EHD4: variants seen among roughly 807,000 people sequenced by gnomAD.
The protein encoded by EHD4 is EH domain containing 4, also known as EH domain-containing protein 4.
Under a neutral mutation model 51.0 loss-of-function variants are expected in EHD4, and 37 were observed. The ratio of observed to expected loss-of-function variants is 0.73; its 90% CI spans 0.56 to 0.95. The LOEUF (loss-of-function observed/expected upper bound fraction) is 0.95, where lower values mean the gene tolerates loss of function less well. Among genes scored for constraint, EHD4 ranks in the 40% least tolerant of loss-of-function variants. The pLI, the probability that EHD4 is intolerant of heterozygous loss-of-function variation, is 0.00. For missense variants in EHD4, 632 were observed against 733.1 expected (o/e 0.86, Z 1.59); for synonymous variants, 297 against 317.3 (o/e 0.94, Z 0.68).
intron 4 of EHD4, among the ~76,000 whole-genome samples, chr15:41,918,217 TACACACACACAC>T (rs10682608): frequency 2.7e-4 from 40 of 147,288 alleles, no homozygotes; most frequent in Non-Finnish European, 2.8e-4. Context: ...CAGGGAGCTT[TACACACACACAC>T]ACACACACAC....
In EHD4 at chr15:41,917,155, C is replaced by G. The variant is rs934562765; in HGVS notation, c.924+2055G>C. Among the ~76,000 whole-genome samples, 13 of 151,582 alleles carry G rather than the reference C, an allele frequency of 8.6e-5. 1 individual carries two copies. The highest frequency in any genetic ancestry group is 4.6e-4 in the Admixed American group (7 of 15,174). Reference sequence around the variant, plus strand: ...TATTTATTTGAGACAGAGTCTCACTCTGTCGCCTAGGCTGGAGTGCAGTGG... The same window carrying G: ...TATTTATTTGAGACAGAGTCTCACTGTGTCGCCTAGGCTGGAGTGCAGTGG... On this transcript the variant is annotated intron_variant, in intron 4 of 5. Transcript: ENST00000220325.
chr15:41,930,881 G>A (rs1204954321), intron 3 of EHD4, among the ~76,000 whole-genome samples: 2 of 152,190 alleles, frequency 1.3e-5, no homozygotes, highest in South Asian at 2.1e-4. Flanking sequence ...GTTACCAACA[G>A]TATTTCAAAA....
intron 4 of EHD4, among the ~76,000 whole-genome samples, chr15:41,915,795 G>A (rs1010889709): frequency 2.6e-5 from 4 of 152,020 alleles, no homozygotes; most frequent in Admixed American, 1.3e-4. Flanking sequence ...AGTGTGAGCC[G>A]TCTTCCAAGA....
chr15:41,940,169 C>A (rs141106091), intron 3 of EHD4, among the ~76,000 whole-genome samples: 10 of 152,228 alleles, frequency 6.6e-5, no homozygotes, highest in African/African-American at 2.4e-4. Flanking sequence ...AAAGGAGGAG[C>A]AGTGGAGGGC....
chr15:41,928,410 G>A (rs1163868028), intron 3 of EHD4: 3 of 152,146 alleles, frequency 2.0e-5, no homozygotes, highest in African/African-American at 7.2e-5. Flanking sequence ...CTGTTTCTCA[G>A]GGGAGCCCGG....
At chr15:41,962,872 A>G (rs1208620389) in intron 1 of EHD4, among the ~76,000 whole-genome samples, 1 of 152,246 alleles carries the variant, frequency 6.6e-6, no homozygotes, top group Non-Finnish European at 1.5e-5. Context: ...TGTGGGGAAA[A>G]GAAAGAGAGA....
intron 1 of EHD4, among the ~76,000 whole-genome samples, chr15:41,957,167 A>G (rs1595545117): frequency 6.6e-6 from 1 of 152,066 alleles, no homozygotes; most frequent in Admixed American, 6.5e-5. Flanking sequence ...CCGTCTCTAC[A>G]AAACATACAA....
At position 41,900,976 on chromosome 15, in the gene EHD4, C is replaced by A; in HGVS notation, c.1295G>T (p.Gly432Val). The A allele has an allele frequency of 6.2e-7, 1 of 1,611,408 alleles. No individual in the cohort carries two copies. Among genetic ancestry groups the A allele is most frequent in the Non-Finnish European group, 8.5e-7 (1 of 1,177,852 alleles). Residue 432 changes from glycine (G) to valine (V), a missense_variant, in exon 6 of 6, where the codon GGT becomes GTT. Physicochemically the swap from Gly to Val is moderately radical, Grantham distance 109. Coordinates refer to ENST00000220325, the MANE Select transcript of EHD4 (RefSeq NM_139265.4). The surrounding 1 kb of genome is among the most constrained non-coding windows in gnomAD (Gnocchi z 4.8). ...EGPFNQGYGE[G>V]AKEGADEEEW... ...CTCCTCGTCGGCGCCCTCCTTGGCA[C>A]CCTCCCCGTAGCCCTGGTTGAAGGG...
intron 1 of EHD4, among the ~76,000 whole-genome samples, chr15:41,966,588 G>C (rs553756753): frequency 6.6e-6 from 1 of 152,242 alleles, no homozygotes; most frequent in East Asian, 1.9e-4. Flanking sequence ...GGGCTGCTGA[G>C]CCAGCAGAAT....
intron 1 of EHD4, among the ~76,000 whole-genome samples, chr15:41,964,461 G>A (rs1368018460): frequency 6.6e-6 from 1 of 151,362 alleles, no homozygotes; most frequent in African/African-American, 2.4e-5. Context: ...AAATTGGCTG[G>A]GTGTGGTGGT....
At chr15:41,903,459 C>CACAT (rs2140981726) in intron 5 of EHD4, among the ~76,000 whole-genome samples, 1 of 50,562 alleles carries the variant, frequency 2.0e-5, no homozygotes, top group South Asian at 6.2e-4. Context: ...TACATACACA[C>CACAT]ACACACACAC....
At chr15:41,954,208 A>ACTGGG (rs1296340932) in intron 1 of EHD4, among the ~76,000 whole-genome samples, 6 of 152,026 alleles carry the variant, frequency 3.9e-5, no homozygotes, top group African/African-American at 1.5e-4. Flanking sequence ...GCATGTGGGG[A>ACTGGG]CACCTCTTTT....
At chr15:41,933,829 G>A (rs2067713543) in intron 3 of EHD4, among the ~76,000 whole-genome samples, 1 of 152,050 alleles carries the variant, frequency 6.6e-6, no homozygotes, top group Non-Finnish European at 1.5e-5. Context: ...CCTAGCTTCC[G>A]AAGTAGGCTA....
Position 41,972,291 on chromosome 15 carries a change from G to A in EHD4, c.204C>T (p.Gly68=). ...AGGTGGTCTTGCCGGTGCTGTACTG[G>A]CCCACCAGCAGGATCATGGGCTTGT... ...FENKPMILLV[G]QYSTGKTTFI... The change falls in exon 1 of 6, where the codon GGC becomes GGT. Residue 68 remains glycine, a synonymous_variant. Coordinates refer to ENST00000220325, the MANE Select transcript of EHD4 (RefSeq NM_139265.4). 2.5e-6 allele frequency: 4 copies of A among 1,609,550 alleles called. No individual in the cohort carries two copies. Among genetic ancestry groups the A allele is most frequent in the Non-Finnish European group, 3.4e-6 (4 of 1,178,200 alleles).
chr15:41,904,721 GCCAACTCATGAGCT>G (rs1346387846), intron 5 of EHD4, among the ~76,000 whole-genome samples: 2 of 152,254 alleles, frequency 1.3e-5, no homozygotes, highest in African/African-American at 4.8e-5. Flanking sequence ...TTGAAATGCT[GCCAACTCATGAGCT>G]GAGGGGTCCA....
At chr15:41,921,986 TTTCTAAGCCTAG>T (rs2067628683) in intron 3 of EHD4, among the ~76,000 whole-genome samples, 1 of 152,178 alleles carries the variant, frequency 6.6e-6, no homozygotes, top group Non-Finnish European at 1.5e-5. Context: ...TCCTAACTCT[TTTCTAAGCCTAG>T]TTCTCCAACT....
chr15:41,957,215 A>G (rs1280890520), intron 1 of EHD4, among the ~76,000 whole-genome samples: 1 of 152,150 alleles, frequency 6.6e-6, no homozygotes, highest in African/African-American at 2.4e-5. Flanking sequence ...CTGTAGTCCC[A>G]GCTACTTAAG....
At chr15:41,903,340 A>AAC (rs1567242671) in intron 5 of EHD4, among the ~76,000 whole-genome samples, 1 of 139,784 alleles carries the variant, frequency 7.2e-6, no homozygotes, top group Non-Finnish European at 1.6e-5. Flanking sequence ...AAAAAAAAAA[A>AAC]ACAGAAAAAA....
At chr15:41,949,118 C>G (rs183499476) in intron 2 of EHD4, among the ~76,000 whole-genome samples, 1 of 148,050 alleles carries the variant, frequency 6.8e-6, no homozygotes, top group Non-Finnish European at 1.5e-5. Flanking sequence ...GCCTGTAATC[C>G]CAGCACTTTG....
Sources: gnomAD v4.1 joint callset for allele counts (sites outside exome capture counted in the v4.1 genomes callset) on GRCh38, gnomAD v4.1.1 for gene constraint, Gnocchi (gnomAD v3.1) non-coding constraint, MANE v1.5 for transcripts, NCBI Gene and HGNC (gene_info 2026-07-23, HGNC 2026-07-21) for gene names.